Variants in COG4 observed in about 807,000 individuals in gnomAD.
The protein encoded by COG4 is conserved oligomeric Golgi complex subunit 4.
A neutral mutation model predicts 95.1 loss-of-function variants in COG4; 65 were observed. That is an observed-to-expected ratio of 0.68 (90% confidence interval 0.56 to 0.84). COG4 has a LOEUF of 0.84. Among genes scored for constraint, COG4 ranks in the 40% least tolerant of loss-of-function variants. The pLI, the probability that COG4 is intolerant of heterozygous loss-of-function variation, is 0.00. For missense variants in COG4, 1,045 were observed against 989.1 expected (o/e 1.06, Z -0.76); for synonymous variants, 421 against 374.8 (o/e 1.12, Z -1.42).
chr16:70,499,850 C>G (rs931564469), intron 9 of COG4, among the ~76,000 whole-genome samples: 1 of 152,040 alleles, frequency 6.6e-6, no homozygotes, highest in East Asian at 1.9e-4. Context: ...TTAGTAGAGA[C>G]GGAGTTTCAC....
At chr16:70,488,183 G>C (rs924418983) in intron 13 of COG4, among the ~76,000 whole-genome samples, 2 of 151,776 alleles carry the variant, frequency 1.3e-5, no homozygotes, top group African/African-American at 2.4e-5. Flanking sequence ...GCCCAGGCTA[G>C]AGTGAAGTGG....
chr16:70,503,431 G>A (rs1597674921), intron 8 of COG4, among the ~76,000 whole-genome samples: 1 of 152,130 alleles, frequency 6.6e-6, no homozygotes, highest in Non-Finnish European at 1.5e-5. Context: ...ACTCTTAACA[G>A]CCTGACTCTA....
At chr16:70,489,032 G>A (rs1230251254) in intron 13 of COG4, among the ~76,000 whole-genome samples, 10 of 152,122 alleles carry the variant, frequency 6.6e-5, no homozygotes, top group Admixed American at 1.3e-4. Flanking sequence ...TCACACAGCT[G>A]GGCAGTGGTC....
Position 70,508,173 on chromosome 16 carries a change from T to G in COG4, c.1061+233A>C, listed in dbSNP as rs150386573. ...CGACCTTGTGATCCGCCTGCCTTGG[T>G]CTCCCAAAGTGCTGGGATTACAGGT... On this transcript the variant is annotated intron_variant, in intron 8 of 18. Coordinates refer to ENST00000323786, the MANE Select transcript of COG4 (RefSeq NM_015386.3). 3.0e-4 allele frequency among the ~76,000 whole-genome samples: 45 copies of G among 152,140 alleles called. No homozygotes were observed. The East Asian group carries it at 8.7e-3, about 30-fold the overall frequency.
At position 70,512,407 on chromosome 16, in the gene COG4, T is replaced by C; in HGVS notation, c.570A>G (p.Lys190=). Residue 190 remains lysine (K), a synonymous_variant, in exon 5 of 19, where the codon AAA becomes AAG. Transcript: ENST00000323786. ...KEGSMIDANL[K]LLQEAEQRLK... is the part of the protein sequence containing the mutation. ...GACGTTGCTCAGCTTCCTGCAGCAA[T>C]TTCAGGTTGGCATCAATCATGCTCC... 1.9e-6 allele frequency: 3 copies of C among 1,614,084 alleles called. No individual in the cohort carries two copies. Among genetic ancestry groups the C allele is most frequent in the Non-Finnish European group, 2.5e-6 (3 of 1,179,988 alleles).
At chr16:70,485,410 G>A (rs1481564769) in intron 13 of COG4, among the ~76,000 whole-genome samples, 1 of 151,310 alleles carries the variant, frequency 6.6e-6, no homozygotes, top group East Asian at 1.9e-4. Context: ...CACCATGTTG[G>A]CCAGGCTGGT....
At chr16:70,498,688 C>A (rs763704970) in intron 9 of COG4, among the ~76,000 whole-genome samples, 5 of 152,132 alleles carry the variant, frequency 3.3e-5, no homozygotes, top group African/African-American at 1.2e-4. Flanking sequence ...TTTTTAGACA[C>A]CTGGTTATTT....
At chr16:70,491,097 T>C (rs927857902) in intron 12 of COG4, among the ~76,000 whole-genome samples, 3 of 152,170 alleles carry the variant, frequency 2.0e-5, no homozygotes, top group Admixed American at 6.5e-5. Context: ...AAAGAAAAGC[T>C]TCCAGAGAGC....
intron 12 of COG4, among the ~76,000 whole-genome samples, chr16:70,493,064 G>C (rs2049276885): frequency 6.6e-6 from 1 of 152,180 alleles, no homozygotes; most frequent in Non-Finnish European, 1.5e-5. Context: ...TTCAAGGAAG[G>C]TTCCATGACA....
intron 7 of COG4, chr16:70,508,688 C>A: frequency 1.5e-6 from 1 of 661,814 alleles, no homozygotes; most frequent in Non-Finnish European, 2.8e-6. Flanking sequence ...GCTTAAAAGT[C>A]ATGCTAATGG....
chr16:70,503,132 G>T (rs1210784183), intron 8 of COG4, among the ~76,000 whole-genome samples: 1 of 152,094 alleles, frequency 6.6e-6, no homozygotes, highest in Non-Finnish European at 1.5e-5. Context: ...CTCACTGCAG[G>T]CTCAGCTTCC....
At chr16:70,483,762 TG>T in intron 14 of COG4, 90 bp downstream of exon 14, 2 of 1,028,268 alleles carry the variant, frequency 1.9e-6, no homozygotes, top group Non-Finnish European at 1.5e-6. Context: ...CCCGTCCTCC[TG>T]GCTTCCTTGC....
intron 13 of COG4, among the ~76,000 whole-genome samples, chr16:70,487,282 T>TAAAAAA (rs1311298221): frequency 1.0e-5 from 1 of 98,790 alleles, no homozygotes. Flanking sequence ...TCTCAAAAAA[T>TAAAAAA]AAAAAAATAA....
chr16:70,480,811 T>C lies in COG4; in HGVS notation c.*199A>G. The stretch of plus-strand genomic sequence containing the variant: ...CCCGCTTCTCTCGGTGGGGAGATGC[T>C]GCCCCCAGAGCATCACCTGGCCAGG... On this transcript the variant is annotated 3_prime_UTR_variant, in exon 19 of 19. Coordinates refer to ENST00000323786, the MANE Select transcript of COG4 (RefSeq NM_015386.3). The C allele has an allele frequency of 1.6e-6, 1 of 626,500 alleles. No individual in the cohort carries two copies. The allele number at this position is 626,500 out of a possible 1,614,324, so 38.8% of individuals were successfully genotyped here.
rs144763147 is a variant in COG4, at chr16:70,482,165, T to G, written c.1931A>C (p.Asn644Thr). Residue 644 changes from asparagine to threonine, a missense_variant, in exon 16 of 19, where the codon AAT becomes ACT. Physicochemically the swap from Asn to Thr is moderately conservative, Grantham distance 65. Coordinates refer to ENST00000323786, the MANE Select transcript of COG4 (RefSeq NM_015386.3). ...VSHNIEEEEF[N>T]DYEANDPWVQ... is the part of the protein sequence containing the mutation. ...CCAAGGGTCGTTGGCCTCATAGTCA[T>G]TGAATTCTTCCTGTTGTCAGGAAGC... The G allele has an allele frequency of 1.9e-6, 3 of 1,612,636 alleles. 1 individual carries two copies. The highest frequency in any genetic ancestry group is 2.5e-6 in the Non-Finnish European group (3 of 1,178,648).
At chr16:70,495,834 C>A (rs1170995412) in intron 12 of COG4, among the ~76,000 whole-genome samples, 1 of 152,240 alleles carries the variant, frequency 6.6e-6, no homozygotes, top group Non-Finnish European at 1.5e-5. Flanking sequence ...AAGTTGAAAG[C>A]CTAAGACATG....
intron 3 of COG4, among the ~76,000 whole-genome samples, chr16:70,516,407 C>T (rs1048467266): frequency 2.6e-5 from 4 of 151,886 alleles, no homozygotes; most frequent in Non-Finnish European, 5.9e-5. Flanking sequence ...CGCTATTCTC[C>T]TGCCTCAGAC....
intron 2 of COG4, among the ~76,000 whole-genome samples, chr16:70,518,421 C>T (rs766753950): frequency 3.3e-5 from 5 of 152,020 alleles, no homozygotes; most frequent in Non-Finnish European, 7.4e-5. Flanking sequence ...TGCAGTGGCA[C>T]GATCATAGCT....
chr16:70,519,685 G>C lies in COG4; in HGVS notation c.218C>G (p.Thr73Ser). The C allele has an allele frequency of 5.6e-6, 9 of 1,613,862 alleles. No individual in the cohort carries two copies. The highest frequency in any genetic ancestry group is 7.6e-6 in the Non-Finnish European group (9 of 1,179,886). Residue 73 changes from threonine (T) to serine (S), a missense_variant, in exon 2 of 19, where the codon ACC becomes AGC. Coordinates refer to ENST00000323786, the MANE Select transcript of COG4 (RefSeq NM_015386.3). ...ELDALLEQQN[T>S]IESKMVTLHR... is the part of the protein sequence containing the mutation. Reference sequence around the variant, plus strand: ...GAGAGTGACCATCTTACTTTCAATGGTGTTTTGCTGTTCCAAAAGAGCATC... The same window carrying C: ...GAGAGTGACCATCTTACTTTCAATGCTGTTTTGCTGTTCCAAAAGAGCATC...
Sources: allele counts gnomAD v4.1 joint callset (sites outside exome capture counted in the v4.1 genomes callset), GRCh38; gene constraint gnomAD v4.1.1; transcripts MANE v1.5; gene names NCBI Gene and HGNC (gene_info 2026-07-23, HGNC 2026-07-21).